The following CNGA4 variants were observed in gnomAD, a reference collection of about 807,000 sequenced individuals.
CNGA4 encodes the protein cyclic nucleotide-gated channel alpha-4.
A neutral mutation model predicts 45.6 loss-of-function variants in CNGA4; 32 were observed. That is an observed-to-expected ratio of 0.70 (90% CI 0.53 to 0.94). The LOEUF is 0.94. CNGA4 is among the 40% of genes least tolerant of loss of function. CNGA4 has a pLI of 0.00. For missense variants in CNGA4, 726 were observed against 755.1 expected, an observed-to-expected ratio of 0.96 and a Z score of 0.45; for synonymous variants, 293 against 304.6, an observed-to-expected ratio of 0.96 and a Z score of 0.40.
At chr11:6,238,169 A>G (rs892010704), upstream of CNGA4, among the ~76,000 whole-genome samples, 2 of 152,186 alleles carry the variant, frequency 1.3e-5, no homozygotes, top group Non-Finnish European at 2.9e-5. Context: ...CTAACAGAGT[A>G]CTCATCAGCA....
rs144656519 is a variant in CNGA4, at chr11:6,244,190, G to T, written c.1509G>T (p.Gln503His). The change falls in exon 6 of 6, where the codon CAG (glutamine) becomes CAT (histidine). Residue 503 changes from glutamine (Q) to histidine (H), a missense_variant. Gln to His is a conservative substitution (Grantham distance 24). Transcript: ENST00000379936. This position sits in a 1 kb window ranked among gnomAD's most constrained non-coding sequence, Gnocchi z 4.5. The stretch of plus-strand genomic sequence containing the variant: ...CCCGGCTACGAGGCCTAGACCAGCA[G>T]CTGGATGATCTACAGACCAAGTTTG... ...TESRLRGLDQ[Q>H]LDDLQTKFAR... The T allele has an allele frequency of 9.8e-5, 158 of 1,614,238 alleles. 1 individual carries two copies. The African/African-American group carries it at 1.8e-3, about 19-fold the overall frequency.
downstream of CNGA4, among the ~76,000 whole-genome samples, chr11:6,244,585 T>TATAC (rs1372199550): frequency 7.1e-6 from 1 of 141,828 alleles, no homozygotes; most frequent in Non-Finnish European, 1.5e-5. This position sits in a 1 kb window ranked among gnomAD's most constrained non-coding sequence, Gnocchi z 4.5. Context: ...CACTTACCAG[T>TATAC]ACACACACAC....
chr11:6,242,457 T>C (rs1384015239), intron 5 of CNGA4, among the ~76,000 whole-genome samples: 2 of 151,972 alleles, frequency 1.3e-5, no homozygotes, highest in African/African-American at 4.8e-5. Flanking sequence ...AGGCATGAGG[T>C]CGTGCAAGCA....
upstream of CNGA4, among the ~76,000 whole-genome samples, chr11:6,237,017 G>A (rs759929408): frequency 3.3e-5 from 5 of 152,154 alleles, no homozygotes; most frequent in Non-Finnish European, 7.3e-5. Context: ...TGAAAAAGCT[G>A]AACTCATTGG....
upstream of CNGA4, among the ~76,000 whole-genome samples, chr11:6,236,368 A>G (rs1188239931): frequency 1.3e-5 from 2 of 152,244 alleles, no homozygotes; most frequent in African/African-American, 4.8e-5. Flanking sequence ...ACATAGATTG[A>G]TAGTTATACA....
chr11:6,242,880 C>T (rs905386832), intron 5 of CNGA4, among the ~76,000 whole-genome samples: 7 of 152,286 alleles, frequency 4.6e-5, no homozygotes, highest in Non-Finnish European at 1.0e-4. Flanking sequence ...CCATTCTCCA[C>T]CAACATCTTT....
chr11:6,239,540 G>A, intron 2 of CNGA4, 55 bp downstream of exon 2: 1 of 1,591,174 alleles, frequency 6.3e-7, no homozygotes, highest in East Asian at 2.2e-5. Context: ...ACTAAAGAGA[G>A]GTCAAGGAGA....
In CNGA4 at chr11:6,241,653, C is replaced by G. The variant is rs750053352; in HGVS notation, c.1140C>G (p.Asp380Glu). The G allele has an allele frequency of 6.2e-7, 1 of 1,614,214 alleles. No individual in the cohort carries two copies. The highest frequency in any genetic ancestry group is 8.5e-7 in the Non-Finnish European group (1 of 1,180,056). Reference sequence around the variant, plus strand: ...GTGAATATGTATGCCGCAAAGGAGACATTGGCCAAGAGATGTACATCATCC... The same window carrying G: ...GTGAATATGTATGCCGCAAAGGAGAGATTGGCCAAGAGATGTACATCATCC... ...SPGEYVCRKGDIGQEMYIIRE... is the reference protein window; with the variant it reads ...SPGEYVCRKGEIGQEMYIIRE... The change falls in exon 5 of 6, where the codon GAC becomes GAG. Residue 380 changes from aspartate to glutamate, a missense_variant. Physicochemically the swap from Asp to Glu is conservative, Grantham distance 45. Coordinates refer to ENST00000379936, the MANE Select transcript of CNGA4 (RefSeq NM_001037329.4).
intron 5 of CNGA4, chr11:6,242,032 T>C (rs1265443140): frequency 3.7e-6 from 2 of 539,286 alleles, no homozygotes; most frequent in Non-Finnish European, 6.6e-6. Flanking sequence ...CTGTGGATAT[T>C]CACCTGAAGC....
chr11:6,244,426 A>G lies in CNGA4; in HGVS notation c.*17A>G. On this transcript the variant is annotated 3_prime_UTR_variant, in exon 6 of 6. Transcript: ENST00000379936. This position sits in a 1 kb window ranked among gnomAD's most constrained non-coding sequence, Gnocchi z 4.5. The stretch of plus-strand genomic sequence containing the variant: ...CCAGAGTGACCCCATCCCCATCCCC[A>G]GGATTCCCACCTCCTAGTGAATCCA... 1.3e-6 allele frequency: 2 copies of G among 1,590,884 alleles called. No homozygotes were observed. Among genetic ancestry groups the G allele is most frequent in the Non-Finnish European group, 1.7e-6 (2 of 1,167,308 alleles).
downstream of CNGA4, chr11:6,244,517 C>T (rs983781903): frequency 1.2e-5 from 12 of 1,034,046 alleles, no homozygotes; most frequent in Admixed American, 1.8e-4. The surrounding 1 kb of genome is among the most constrained non-coding windows in gnomAD (Gnocchi z 4.5). Flanking sequence ...GACACAGGAG[C>T]GAATTGGTCT....
upstream of CNGA4, among the ~76,000 whole-genome samples, chr11:6,238,216 T>G (rs1367506417): frequency 6.6e-6 from 1 of 152,220 alleles, no homozygotes; most frequent in Non-Finnish European, 1.5e-5. Flanking sequence ...TTACCTCATG[T>G]GTAATTACCT....
upstream of CNGA4, among the ~76,000 whole-genome samples, chr11:6,235,009 GGCA>G (rs1204292998): frequency 6.6e-6 from 1 of 152,244 alleles, no homozygotes; most frequent in Non-Finnish European, 1.5e-5. Flanking sequence ...GATTTTTACA[GGCA>G]GGGAAAGATC....
downstream of CNGA4, among the ~76,000 whole-genome samples, chr11:6,244,670 A>T (rs1847969166): frequency 6.6e-6 from 1 of 151,394 alleles, no homozygotes; most frequent in African/African-American, 2.4e-5. This position sits in a 1 kb window ranked among gnomAD's most constrained non-coding sequence, Gnocchi z 4.5. Context: ...TGTGCATTCC[A>T]TCTAAAATGC....
Position 6,239,251 on chromosome 11 carries a change from A to C in CNGA4, c.45A>C (p.Pro15=), listed in dbSNP as rs1314509173. ...TGAAGACAACAGAGTCCAGTCCCCC[A>C]GCCCCATCCAAGGCCAGGTGAGAAG... ...TKVKTTESSP[P]APSKARKLLP... is the part of the protein sequence containing the mutation. The change falls in exon 1 of 6, where the codon CCA becomes CCC. Residue 15 remains proline, a synonymous_variant. Coordinates refer to ENST00000379936, the MANE Select transcript of CNGA4 (RefSeq NM_001037329.4). The C allele has an allele frequency of 1.2e-6, 2 of 1,614,182 alleles. No individual in the cohort carries two copies. The highest frequency in any genetic ancestry group is 1.3e-5 in the African/African-American group (1 of 75,064).
upstream of CNGA4, chr11:6,234,831 C>T (rs1847803451): frequency 6.5e-6 from 1 of 152,804 alleles, no homozygotes; most frequent in Non-Finnish European, 1.5e-5. Flanking sequence ...GGAGGAGCAC[C>T]GCCTCTCCTC....
At chr11:6,241,944 G>C in intron 5 of CNGA4, 164 bp downstream of exon 5, 1 of 635,784 alleles carries the variant, frequency 1.6e-6, no homozygotes, top group Non-Finnish European at 2.7e-6. Flanking sequence ...ACAACACATA[G>C]AGGATCCATT....
Position 6,244,255 on chromosome 11 carries a change from T to C in CNGA4, c.1574T>C (p.Ile525Thr), listed in dbSNP as rs754536832. ...GAGCTGGAGTCCAGCGCACTTAAGA[T>C]TGCTTACCGCATTGAACGGCTGGAG... ...LAELESSALKIAYRIERLEWQ... is the reference protein window; with the variant it reads ...LAELESSALKTAYRIERLEWQ... Residue 525 changes from isoleucine (I) to threonine (T), a missense_variant, in exon 6 of 6, where the codon ATT becomes ACT. Ile to Thr is a moderately conservative substitution (Grantham distance 89). Transcript: ENST00000379936. This position sits in a 1 kb window ranked among gnomAD's most constrained non-coding sequence, Gnocchi z 4.5. 1 of 1,614,138 alleles carries C rather than the reference T, an allele frequency of 6.2e-7. No homozygotes were observed. The highest frequency in any genetic ancestry group is 1.7e-5 in the Admixed American group (1 of 60,020).
chr11:6,240,104 A>G lies in CNGA4; in HGVS notation c.310A>G (p.Arg104Gly). Residue 104 changes from arginine to glycine, a missense_variant, in exon 4 of 6, where the codon AGG (arginine) becomes GGG (glycine). Coordinates refer to ENST00000379936, the MANE Select transcript of CNGA4 (RefSeq NM_001037329.4). This position sits in a 1 kb window ranked among gnomAD's most constrained non-coding sequence, Gnocchi z 4.9. ...GGGCATCCTGGTGGTGGACAAGGGTAGGATCTCGAGTCGCTACGTTCGCAC... is the reference window on the plus strand; with the variant it reads ...GGGCATCCTGGTGGTGGACAAGGGTGGGATCTCGAGTCGCTACGTTCGCAC... ...EQGILVVDKG[R>G]ISSRYVRTWS... 6.2e-7 allele frequency: 1 copy of G among 1,613,426 alleles called. No individual in the cohort carries two copies. The highest frequency in any genetic ancestry group is 1.3e-5 in the African/African-American group (1 of 75,060).
Sources: allele counts gnomAD v4.1 joint callset (sites outside exome capture counted in the v4.1 genomes callset), GRCh38; gene constraint gnomAD v4.1.1; non-coding constraint Gnocchi (gnomAD v3.1); transcripts MANE v1.5; gene names NCBI Gene and HGNC (gene_info 2026-07-23, HGNC 2026-07-21).